The following LRP5 variants were observed in gnomAD, a reference collection of about 807,000 sequenced individuals.
LRP5 encodes the protein LDL receptor related protein 5.
A neutral mutation model predicts 154.1 loss-of-function variants in LRP5; 62 were observed. That is an observed-to-expected ratio of 0.40 (90% confidence interval 0.33 to 0.50). The LOEUF is 0.50. Among genes scored for constraint, LRP5 ranks in the 20% least tolerant of loss-of-function variants. The pLI, the probability that LRP5 is intolerant of heterozygous loss-of-function variation, is 0.55. For missense variants in LRP5, 1,915 were observed against 2,336.7 expected, an observed-to-expected ratio of 0.82 and a Z score of 3.72; for synonymous variants, 966 against 1,011.5, an observed-to-expected ratio of 0.96 and a Z score of 0.85.
intron 17 of LRP5, among the ~76,000 whole-genome samples, chr11:68,432,072 A>G (rs1445501010): frequency 1.3e-5 from 2 of 152,182 alleles, no homozygotes; most frequent in Non-Finnish European, 2.9e-5. Context: ...AGAGGCGGCC[A>G]CAGTCACCTC....
chr11:68,433,156 T>G (rs1294435737), intron 17 of LRP5, among the ~76,000 whole-genome samples: 1 of 152,204 alleles, frequency 6.6e-6, no homozygotes, highest in Non-Finnish European at 1.5e-5. Flanking sequence ...ACCACCTGCT[T>G]TCTGCCCCTC....
At chr11:68,362,996 A>G (rs764360153) in intron 3 of LRP5, among the ~76,000 whole-genome samples, 1 of 152,228 alleles carries the variant, frequency 6.6e-6, no homozygotes, top group Non-Finnish European at 1.5e-5. Context: ...TCCAGTGTCC[A>G]TAATCTCATT....
upstream of LRP5, among the ~76,000 whole-genome samples, chr11:68,310,939 C>T (rs1418156924): frequency 6.6e-6 from 1 of 151,794 alleles, no homozygotes; most frequent in Non-Finnish European, 1.5e-5. Flanking sequence ...TGGAGCAGGC[C>T]CTGCAGGTGC....
At chr11:68,333,710 A>G (rs1254015922) in intron 1 of LRP5, among the ~76,000 whole-genome samples, 1 of 152,214 alleles carries the variant, frequency 6.6e-6, no homozygotes, top group Non-Finnish European at 1.5e-5. Flanking sequence ...AATTTTATAT[A>G]AAGTATATGG....
intron 1 of LRP5, among the ~76,000 whole-genome samples, chr11:68,321,864 G>A (rs765611557): frequency 3.3e-5 from 5 of 152,106 alleles, no homozygotes; most frequent in Non-Finnish European, 4.4e-5. Flanking sequence ...ATTGCTCAAC[G>A]GGGCATTAAT....
intron 1 of LRP5, among the ~76,000 whole-genome samples, chr11:68,319,081 T>TG (rs2098595223): frequency 6.7e-6 from 1 of 148,564 alleles, no homozygotes; most frequent in African/African-American, 2.5e-5. Flanking sequence ...TGTTTTTTTT[T>TG]TTTTTTTTTT....
intron 6 of LRP5, among the ~76,000 whole-genome samples, chr11:68,389,562 G>A (rs1435302957): frequency 6.8e-6 from 1 of 147,678 alleles, no homozygotes. Context: ...CAACGCCGAC[G>A]TTTACCGACG....
upstream of LRP5, among the ~76,000 whole-genome samples, chr11:68,308,176 C>T (rs575545496): frequency 3.9e-5 from 6 of 152,238 alleles, no homozygotes; most frequent in Non-Finnish European, 8.8e-5. Context: ...GGGCCTCCTC[C>T]GGCGCTGCCC....
At chr11:68,395,724 C>G (rs2098648956) in intron 7 of LRP5, among the ~76,000 whole-genome samples, 1 of 152,152 alleles carries the variant, frequency 6.6e-6, no homozygotes, top group Non-Finnish European at 1.5e-5. Flanking sequence ...CATCCACCTG[C>G]ACGTCCAGAG....
the LRP5 span, among the ~76,000 whole-genome samples, chr11:68,302,937 A>T: frequency 4.3e-4 from 66 of 152,152 alleles, no homozygotes; most frequent in African/African-American, 1.6e-3. Flanking sequence ...GAATCCATAA[A>T]CCCACAAGGC....
At position 68,403,527 on chromosome 11, in the gene LRP5, C is replaced by T. The variant is rs761424454; in HGVS notation, c.1629C>T (p.Asp543=). ...CGAAGAGGCGGACCCTCCTGGAGGACAAGCTCCCGCACATTTTTGGGTTCA... is the reference window on the plus strand; with the variant it reads ...CGAAGAGGCGGACCCTCCTGGAGGATAAGCTCCCGCACATTTTTGGGTTCA... ...DGTKRRTLLE[D]KLPHIFGFTL... Residue 543 remains aspartate (D), a synonymous_variant, in exon 8 of 23, where the codon GAC becomes GAT. Transcript: ENST00000294304. The T allele has an allele frequency of 9.0e-5, 145 of 1,614,050 alleles. No homozygotes were observed. Among genetic ancestry groups the T allele is most frequent in the Non-Finnish European group, 1.2e-4 (140 of 1,180,048 alleles).
intron 16 of LRP5, among the ~76,000 whole-genome samples, 188 bp downstream of exon 16, chr11:68,426,375 T>C (rs1471166487): frequency 6.6e-6 from 1 of 151,754 alleles, no homozygotes; most frequent in African/African-American, 2.4e-5. Flanking sequence ...TGTTTTCTTT[T>C]GCCGCAGAAC....
chr11:68,394,186 G>A (rs894374219), intron 7 of LRP5, among the ~76,000 whole-genome samples: 1 of 152,280 alleles, frequency 6.6e-6, no homozygotes, highest in South Asian at 2.1e-4. Context: ...TGGTCCTGAA[G>A]TCACTTTATA....
intron 1 of LRP5, among the ~76,000 whole-genome samples, chr11:68,325,959 C>T (rs1378162676): frequency 1.3e-5 from 2 of 152,208 alleles, no homozygotes; most frequent in African/African-American, 4.8e-5. Flanking sequence ...ATAGTGACGA[C>T]CCCCCGGGGA....
intron 10 of LRP5, 71 bp from the exon 11 acceptor site, chr11:68,411,365 C>G (rs1274408191): frequency 6.5e-7 from 1 of 1,527,784 alleles, no homozygotes; most frequent in African/African-American, 1.4e-5. Context: ...ACAGTTGCGT[C>G]CCCCCGCCAC....
intron 1 of LRP5, among the ~76,000 whole-genome samples, chr11:68,333,289 A>T (rs928897597): frequency 6.6e-6 from 1 of 152,204 alleles, no homozygotes; most frequent in African/African-American, 2.4e-5. Context: ...AGAAATTTCC[A>T]CGAGAAGCTA....
At chr11:68,389,577 C>T (rs1408437797) in intron 6 of LRP5, among the ~76,000 whole-genome samples, 1 of 152,218 alleles carries the variant, frequency 6.6e-6, no homozygotes, top group Non-Finnish European at 1.5e-5. Flanking sequence ...CCGACGCCAG[C>T]ATCTACCAAC....
chr11:68,405,469 C>CAAA (rs772035158), intron 8 of LRP5, among the ~76,000 whole-genome samples: 10 of 55,810 alleles, frequency 1.8e-4, no homozygotes, highest in Non-Finnish European at 2.9e-4. Flanking sequence ...GACCCTGTCT[C>CAAA]AAAAAAAAAA....
chr11:68,325,391 G>A (rs550435985), intron 1 of LRP5, among the ~76,000 whole-genome samples: 86 of 152,260 alleles, frequency 5.6e-4, no homozygotes, highest in Non-Finnish European at 1.1e-3. Context: ...CTCTTGCTTT[G>A]TGTTAGTGTG....
Sources: gnomAD v4.1 joint callset for allele counts (sites outside exome capture counted in the v4.1 genomes callset) on GRCh38, gnomAD v4.1.1 for gene constraint, MANE v1.5 for transcripts, NCBI Gene and HGNC (gene_info 2026-07-23, HGNC 2026-07-21) for gene names.